Variants in PUS10 observed in about 807,000 individuals in gnomAD.
The protein encoded by PUS10 is pseudouridine synthase 10, also known as tRNA pseudouridine synthase Pus10.
In PUS10, 59 loss-of-function variants were observed where a neutral mutation model predicts 75.0. That is an observed-to-expected ratio of 0.79 (90% CI 0.64 to 0.98). The LOEUF is 0.98. Among genes scored for constraint, PUS10 ranks in the 50% least tolerant of loss-of-function variants. The pLI, the probability that PUS10 is intolerant of heterozygous loss-of-function variation, is 0.00. For missense variants in PUS10, 650 were observed against 614.4 expected (o/e 1.06, Z -0.61); for synonymous variants, 219 against 211.6 (o/e 1.03, Z -0.30).
intron 4 of PUS10, among the ~76,000 whole-genome samples, chr2:60,992,460 C>T (rs1398371928): frequency 2.6e-5 from 4 of 152,154 alleles, no homozygotes; most frequent in Non-Finnish European, 5.9e-5. Flanking sequence ...GTGATGCTTT[C>T]AGAATATGAA....
At chr2:61,005,441 T>C (rs968027212) in intron 4 of PUS10, among the ~76,000 whole-genome samples, 1 of 152,156 alleles carries the variant, frequency 6.6e-6, no homozygotes, top group African/African-American at 2.4e-5. Flanking sequence ...GTTAGGGAAA[T>C]ATATAAACAT....
intron 6 of PUS10, chr2:60,966,138 CT>C (rs1340964993): frequency 1.3e-5 from 2 of 151,634 alleles, no homozygotes; most frequent in Non-Finnish European, 2.9e-5. Flanking sequence ...TGGAAAATTG[CT>C]TTAATATTAT....
chr2:61,009,342 A>C (rs983686799), intron 2 of PUS10, among the ~76,000 whole-genome samples: 1 of 152,222 alleles, frequency 6.6e-6, no homozygotes, highest in East Asian at 1.9e-4. Flanking sequence ...ATTCATTGCT[A>C]ATTTCAGTAA....
chr2:60,988,916 A>G (rs566459488), intron 4 of PUS10, among the ~76,000 whole-genome samples: 64 of 151,740 alleles, frequency 4.2e-4, no homozygotes, highest in African/African-American at 1.5e-3. Context: ...TGCTGGGATT[A>G]CAGGCATGAG....
chr2:60,948,815 T>A (rs551263952), intron 15 of PUS10, among the ~76,000 whole-genome samples: 1 of 152,198 alleles, frequency 6.6e-6, no homozygotes, highest in Non-Finnish European at 1.5e-5. Flanking sequence ...CGTTAGAGAT[T>A]TTCTTTTATG....
intron 4 of PUS10, among the ~76,000 whole-genome samples, chr2:60,993,194 C>T (rs960363224): frequency 6.6e-6 from 1 of 152,180 alleles, no homozygotes; most frequent in African/African-American, 2.4e-5. Context: ...CAGTGGCTCA[C>T]ACCTGTAATC....
chr2:60,969,923 A>C (rs1025142330), intron 5 of PUS10, among the ~76,000 whole-genome samples: 4 of 152,146 alleles, frequency 2.6e-5, no homozygotes, highest in African/African-American at 9.7e-5. Context: ...CCCTGTGTCT[A>C]CTAAAAATAC....
In PUS10 at chr2:61,011,844, A is replaced by G. The variant is rs531613624; in HGVS notation, c.47T>C (p.Leu16Pro). 6.2e-7 allele frequency: 1 copy of G among 1,609,666 alleles called. No homozygotes were observed. The highest frequency in any genetic ancestry group is 1.1e-5 in the South Asian group (1 of 90,422). The change falls in exon 2 of 18, where the codon CTC (leucine) becomes CCC (proline). Residue 16 changes from leucine (L) to proline (P), a missense_variant. Coordinates refer to ENST00000316752, the MANE Select transcript of PUS10 (RefSeq NM_144709.4). ...EENKHVAQLL[L>P]NTGTCPRCIF... is the part of the protein sequence containing the mutation. Reference sequence around the variant, plus strand: ...ACATCTTGGACAAGTACCAGTATTGAGCAACAACTGGGCCACATGCTTGTT... The same window carrying G: ...ACATCTTGGACAAGTACCAGTATTGGGCAACAACTGGGCCACATGCTTGTT...
At position 61,012,378 on chromosome 2, in the gene PUS10, C is replaced by T. The variant is rs114617642; in HGVS notation, c.-15-473G>A. ...CCAAAATGAAGGCCTCAGCAGCAGC[C>T]TCAGAAGCAAAAGTTTTTCTCTGAC... On this transcript the variant is annotated intron_variant, in intron 1 of 17. Coordinates refer to ENST00000316752, the MANE Select transcript of PUS10 (RefSeq NM_144709.4). Among the ~76,000 whole-genome samples the T allele has an allele frequency of 1.1e-4, 16 of 152,098 alleles. No individual in the cohort carries two copies. The East Asian group carries it at 3.1e-3, about 29-fold the overall frequency.
At chr2:60,993,040 C>A (rs889585819) in intron 4 of PUS10, among the ~76,000 whole-genome samples, 1 of 152,184 alleles carries the variant, frequency 6.6e-6, no homozygotes, top group African/African-American at 2.4e-5. Flanking sequence ...TGCCATATAT[C>A]CAGCTGATCT....
At chr2:61,017,869 C>T in intron 1 of PUS10, 139 bp downstream of exon 1, 7 of 1,549,094 alleles carry the variant, frequency 4.5e-6, no homozygotes, top group Non-Finnish European at 6.1e-6. Context: ...TGGGATTCTT[C>T]AGGCTGTGAG....
intron 11 of PUS10, among the ~76,000 whole-genome samples, chr2:60,960,171 AG>A (rs1675932556): frequency 7.9e-6 from 1 of 126,794 alleles, no homozygotes; most frequent in Non-Finnish European, 1.7e-5. Context: ...AAAAAAAAAG[AG>A]AGAGAGAATA....
intron 9 of PUS10, among the ~76,000 whole-genome samples, chr2:60,962,379 C>T (rs1676079659): frequency 6.6e-6 from 1 of 152,166 alleles, no homozygotes; most frequent in African/African-American, 2.4e-5. Flanking sequence ...CAAGACCAGC[C>T]TGGCCAACGT....
intron 15 of PUS10, among the ~76,000 whole-genome samples, chr2:60,951,501 C>T (rs76123518): frequency 0.02 from 3,100 of 152,262 alleles, 37 homozygotes; most frequent in Middle Eastern, 0.065. Flanking sequence ...GACCCAGTGA[C>T]GGATCATCAG....
At chr2:61,011,645 GT>G (rs948372070) in intron 2 of PUS10, 119 bp downstream of exon 2, 3 of 673,346 alleles carry the variant, frequency 4.5e-6, no homozygotes, top group Non-Finnish European at 6.6e-6. Flanking sequence ...TTTTATTATA[GT>G]TTTTTAATTT....
chr2:60,980,343 T>C (rs1677305414), intron 4 of PUS10, among the ~76,000 whole-genome samples: 1 of 152,226 alleles, frequency 6.6e-6, no homozygotes, highest in South Asian at 2.1e-4. Context: ...GAAACATTTA[T>C]AGTGGCCAGG....
Position 60,941,969 on chromosome 2 carries a change from C to T in PUS10, c.*426G>A, listed in dbSNP as rs1470566479. ...TTATAGGATATTATGCTGCATAAAT[C>T]TAGATATAACTTTTATTCAGATAAT... is the stretch of plus-strand genomic sequence containing the variant. On this transcript the variant is annotated 3_prime_UTR_variant, in exon 18 of 18. Coordinates refer to ENST00000316752, the MANE Select transcript of PUS10 (RefSeq NM_144709.4). 1 of 158,162 alleles carries T rather than the reference C, an allele frequency of 6.3e-6. No homozygotes were observed. Among genetic ancestry groups the T allele is most frequent in the Non-Finnish European group, 1.4e-5 (1 of 71,776 alleles). 9.8% of individuals were successfully genotyped at this position (158,162 alleles called of 1,614,324 possible).
intron 4 of PUS10, among the ~76,000 whole-genome samples, chr2:60,992,557 A>G (rs574278069): frequency 1.3e-5 from 2 of 152,324 alleles, no homozygotes; most frequent in South Asian, 4.1e-4. Context: ...AATACACATC[A>G]TAACACCCCA....
At chr2:61,003,248 G>A (rs540834591) in intron 4 of PUS10, among the ~76,000 whole-genome samples, 1 of 152,214 alleles carries the variant, frequency 6.6e-6, no homozygotes, top group African/African-American at 2.4e-5. Flanking sequence ...GATCACTTGC[G>A]ATCAGGAGTT....
Sources: gnomAD v4.1 joint callset for allele counts (sites outside exome capture counted in the v4.1 genomes callset) on GRCh38, gnomAD v4.1.1 for gene constraint, MANE v1.5 for transcripts, NCBI Gene and HGNC (gene_info 2026-07-23, HGNC 2026-07-21) for gene names.